The following ZNF273 variants were observed in gnomAD, a reference collection of about 807,000 sequenced individuals.
ZNF273 encodes zinc finger protein 273.
ZNF273 carries 11 observed loss-of-function variants against 14.9 expected under a neutral mutation model. The ratio of observed to expected loss-of-function variants is 0.74; its 90% CI spans 0.46 to 1.22. The LOEUF (loss-of-function observed/expected upper bound fraction) is 1.22, where lower values mean the gene tolerates loss of function less well. ZNF273 is among the 50% of genes most tolerant of loss of function. The pLI, the probability that ZNF273 is intolerant of heterozygous loss-of-function variation, is 0.00. For synonymous variants in ZNF273, 199 were observed against 223.9 expected, an observed-to-expected ratio of 0.89 and a Z score of 0.99; for missense variants, 577 against 660.6, an observed-to-expected ratio of 0.87 and a Z score of 1.39.
intron 3 of ZNF273, among the ~76,000 whole-genome samples, chr7:64,924,662 G>A (rs1794690609): frequency 6.6e-6 from 1 of 152,160 alleles, no homozygotes; most frequent in Non-Finnish European, 1.5e-5. Flanking sequence ...TGTAGCTTGT[G>A]TAATACTATT....
chr7:64,923,364 A>C (rs1333686411), intron 3 of ZNF273: 2 of 455,542 alleles, frequency 4.4e-6, no homozygotes, highest in Admixed American at 4.7e-5. Flanking sequence ...TTTTTTATAC[A>C]GATTCTCATT....
intron 3 of ZNF273, 64 bp downstream of exon 3, chr7:64,918,356 A>G (rs1794161006): frequency 3.5e-6 from 5 of 1,424,972 alleles, no homozygotes; most frequent in South Asian, 2.5e-5. Flanking sequence ...GTCAAGGAGA[A>G]AGTCAGTTCT....
At chr7:64,883,214 A>ACCCCCCCCCCC (rs57594044), downstream of ZNF273, among the ~76,000 whole-genome samples, 113 of 121,612 alleles carry the variant, frequency 9.3e-4, 1 homozygote, top group East Asian at 1.8e-3. Flanking sequence ...CCAAATCACC[A>ACCCCCCCCCCC]CCCCCCCCTC....
At chr7:64,878,925 A>G (rs1346337260) in intron 2 of ZNF273, among the ~76,000 whole-genome samples, 2 of 152,132 alleles carry the variant, frequency 1.3e-5, no homozygotes, top group Non-Finnish European at 2.9e-5. Flanking sequence ...ATTCCTTCTG[A>G]GCACTGTCAC....
intron 1 of ZNF273, chr7:64,877,989 G>C (rs1046843999): frequency 6.6e-6 from 1 of 152,294 alleles, no homozygotes; most frequent in South Asian, 2.0e-4. Flanking sequence ...GGAGTGTTGC[G>C]AGTGTTGGAT....
At position 64,928,374 on chromosome 7, in the gene ZNF273, A is replaced by T; in HGVS notation, c.1046A>T (p.Asn349Ile). Residue 349 changes from asparagine (N) to isoleucine (I), a missense_variant, in exon 4 of 4, where the codon AAT becomes ATT. Around this residue, in one of 3 missense-constraint regions of ZNF273, gnomAD observed 411 missense variants for 440.4 expected, o/e 0.93. Transcript: ENST00000476120. ...ACTGGAGAGAAACCCTACAAATGCAATGAATGTGGTAAAGCCTTTAACTGG... is the reference window on the plus strand; with the variant it reads ...ACTGGAGAGAAACCCTACAAATGCATTGAATGTGGTAAAGCCTTTAACTGG... ...IHTGEKPYKC[N>I]ECGKAFNWSS... 6.2e-7 allele frequency: 1 copy of T among 1,613,834 alleles called. No homozygotes were observed. The highest frequency in any genetic ancestry group is 8.5e-7 in the Non-Finnish European group (1 of 1,179,924).
chr7:64,890,211 T>TGA (rs1385851498), downstream of ZNF273: 2 of 25,940 alleles, frequency 7.7e-5, no homozygotes, highest in African/African-American at 1.6e-4. Flanking sequence ...TGTGTGTGTG[T>TGA]GTGTGTGTGT....
intron 1 of ZNF273, among the ~76,000 whole-genome samples, chr7:64,909,835 G>GGTT (rs1554385429): frequency 6.7e-6 from 1 of 150,222 alleles, no homozygotes; most frequent in African/African-American, 2.4e-5. Context: ...TGCAAGCATC[G>GGTT]TTTTTTTTTG....
At chr7:64,908,988 C>T (rs1416557919) in intron 1 of ZNF273, among the ~76,000 whole-genome samples, 9 of 152,192 alleles carry the variant, frequency 5.9e-5, no homozygotes, top group Admixed American at 5.9e-4. Flanking sequence ...TGGCTGACTG[C>T]AGCCTCAACA....
At chr7:64,893,315 C>T (rs1179248095), downstream of ZNF273, 1 of 152,114 alleles carries the variant, frequency 6.6e-6, no homozygotes, top group Non-Finnish European at 1.5e-5. Flanking sequence ...GCATTGCATA[C>T]CATTTTTTCA....
chr7:64,898,741 G>T (rs149294029), upstream of ZNF273, among the ~76,000 whole-genome samples: 1 of 152,266 alleles, frequency 6.6e-6, no homozygotes. Flanking sequence ...GGGGAAATTG[G>T]TATCTCTGTA....
chr7:64,916,652 ATAATT>A (rs1322977513), intron 1 of ZNF273, among the ~76,000 whole-genome samples: 1 of 151,994 alleles, frequency 6.6e-6, no homozygotes, highest in African/African-American at 2.4e-5. Flanking sequence ...AATTCAGACT[ATAATT>A]TACTTTTGCG....
chr7:64,929,863 TTTG>T lies in ZNF273; in HGVS notation c.*828_*830del, dbSNP rs1335914345. 6.4e-5 allele frequency: 8 copies of T among 125,286 alleles called. No homozygotes were observed. The highest frequency in any genetic ancestry group is 3.0e-4 in the East Asian group (1 of 3,320). The allele number at this position is 125,286 out of a possible 1,614,324, so 7.8% of individuals were successfully genotyped here. Reference sequence around the variant, plus strand: ...TTTGGTTTTGGTTTTGGGTTTTTTGTTTGTTTGTTTGTTTGTTTTTGAGACGGA... The same window carrying T: ...TTTGGTTTTGGTTTTGGGTTTTTTGTTTTGTTTGTTTGTTTTTGAGACGGA... On this transcript the variant is annotated 3_prime_UTR_variant, in exon 4 of 4. Coordinates refer to ENST00000476120, the MANE Select transcript of ZNF273 (RefSeq NM_021148.3).
chr7:64,898,423 G>T (rs1322384790), upstream of ZNF273, among the ~76,000 whole-genome samples: 3 of 152,230 alleles, frequency 2.0e-5, no homozygotes, highest in African/African-American at 4.8e-5. Context: ...TTAACACAAA[G>T]AACTGGTTTT....
chr7:64,903,101 G>C (rs1255467753), upstream of ZNF273: 2 of 461,554 alleles, frequency 4.3e-6, no homozygotes, highest in Middle Eastern at 6.2e-4. Flanking sequence ...CTGCAGTTTA[G>C]GTTTCATTCT....
downstream of ZNF273, among the ~76,000 whole-genome samples, chr7:64,935,615 C>T (rs1024581995): frequency 1.3e-5 from 2 of 151,976 alleles, no homozygotes; most frequent in Admixed American, 6.6e-5. Context: ...TTCTGCCTCC[C>T]GGGTGCAAGC....
chr7:64,921,985 G>A (rs931073985), intron 3 of ZNF273, among the ~76,000 whole-genome samples: 11 of 151,856 alleles, frequency 7.2e-5, no homozygotes, highest in East Asian at 1.9e-4. Context: ...ACCCAATTGC[G>A]GTTACTATTT....
chr7:64,883,024 G>T (rs192795014), downstream of ZNF273, among the ~76,000 whole-genome samples: 2 of 152,294 alleles, frequency 1.3e-5, no homozygotes, highest in East Asian at 3.9e-4. Context: ...TGAAGGCGGC[G>T]TCCGCTGAAA....
downstream of ZNF273, among the ~76,000 whole-genome samples, chr7:64,883,214 A>ACCCCCCCCCCCCC (rs57594044): frequency 1.4e-4 from 17 of 121,624 alleles, no homozygotes; most frequent in East Asian, 2.6e-4. Flanking sequence ...CCAAATCACC[A>ACCCCCCCCCCCCC]CCCCCCCCTC....
Sources: gnomAD v4.1 joint callset for allele counts (sites outside exome capture counted in the v4.1 genomes callset) on GRCh38, gnomAD v4.1.1 for gene constraint, gnomAD v4.1.1 regional missense constraint, MANE v1.5 for transcripts, NCBI Gene and HGNC (gene_info 2026-07-23, HGNC 2026-07-21) for gene names.